Variants in XPO1 observed in about 807,000 individuals in gnomAD.
XPO1 encodes the protein exportin-1.
In XPO1, 5 loss-of-function variants were observed where a neutral mutation model predicts 133.3. That is an observed-to-expected ratio of 0.04 (90% CI 0.02 to 0.08). The LOEUF (loss-of-function observed/expected upper bound fraction) is 0.08, where lower values mean the gene tolerates loss of function less well. Among genes scored for constraint, XPO1 ranks in the 10% least tolerant of loss-of-function variants. XPO1 has a pLI of 1.00. For missense variants in XPO1, 506 were observed against 1,267.5 expected, an observed-to-expected ratio of 0.40 and a Z score of 9.12; for synonymous variants, 419 against 408.2, an observed-to-expected ratio of 1.03 and a Z score of -0.32.
chr2:61,507,949 A>G (rs551114727), intron 4 of XPO1, among the ~76,000 whole-genome samples: 2 of 152,340 alleles, frequency 1.3e-5, no homozygotes, highest in South Asian at 2.1e-4. Flanking sequence ...TGTGTCTTTG[A>G]TAAGTCCTGA....
In XPO1 at chr2:61,488,700, G is replaced by T. The variant is rs1185941427; in HGVS notation, c.2094C>A (p.Ala698=). Reference sequence around the variant, plus strand: ...CAAAGGGGTGTCCAACAGCTTTGCAGGCTCTCACATTTGTTTTCAAAATGC... The same window carrying T: ...CAAAGGGGTGTCCAACAGCTTTGCATGCTCTCACATTTGTTTTCAAAATGC... ...LGSILKTNVR[A]CKAVGHPFVI... Residue 698 remains alanine (A), a synonymous_variant, in exon 18 of 25, where the codon GCC becomes GCA. Transcript: ENST00000401558. 1.2e-6 allele frequency: 2 copies of T among 1,614,038 alleles called. No individual in the cohort carries two copies. Among genetic ancestry groups the T allele is most frequent in the African/African-American group, 1.3e-5 (1 of 74,918 alleles).
intron 4 of XPO1, among the ~76,000 whole-genome samples, chr2:61,520,147 G>GAT (rs1214989667): frequency 1.3e-5 from 2 of 152,116 alleles, no homozygotes; most frequent in African/African-American, 4.8e-5. Context: ...GTTGGACAAA[G>GAT]GGTATAGCTA....
chr2:61,522,879 T>A (rs1026997212), intron 3 of XPO1, among the ~76,000 whole-genome samples, 196 bp from the exon 4 acceptor site: 4 of 152,236 alleles, frequency 2.6e-5, no homozygotes, highest in Admixed American at 2.0e-4. Flanking sequence ...CTCATTTTAT[T>A]GTTTGCTACT....
intron 2 of XPO1, among the ~76,000 whole-genome samples, chr2:61,532,819 G>C (rs2104836475): frequency 6.7e-6 from 1 of 149,264 alleles, no homozygotes. Context: ...TGGTGACAGA[G>C]CAAGACTCCA....
intron 1 of XPO1, among the ~76,000 whole-genome samples, chr2:61,535,730 C>G (rs1216025675): frequency 6.6e-6 from 1 of 152,166 alleles, no homozygotes. Flanking sequence ...ACTGATGAGA[C>G]TTCAAAACGT....
At chr2:61,479,156 TG>T (rs200500619) in intron 24 of XPO1, among the ~76,000 whole-genome samples, 190 bp from the exon 25 acceptor site, 2,355 of 152,128 alleles carry the variant, frequency 0.015, 51 homozygotes, top group African/African-American at 0.052. Flanking sequence ...TGTTAACTGG[TG>T]GGGGGGAAGA....
At chr2:61,497,463 G>A (rs1212296801) in intron 9 of XPO1, among the ~76,000 whole-genome samples, 3 of 152,092 alleles carry the variant, frequency 2.0e-5, no homozygotes, top group Non-Finnish European at 2.9e-5. Context: ...CGCTCACCTC[G>A]ACCTCCCAAA....
intron 6 of XPO1, 129 bp from the exon 7 acceptor site, chr2:61,500,023 T>G: frequency 1.1e-6 from 1 of 933,602 alleles, no homozygotes; most frequent in Non-Finnish European, 1.6e-6. Context: ...TCCTCCTTTA[T>G]TAAAGGAAGA....
chr2:61,509,918 A>T (rs890901789), intron 4 of XPO1, among the ~76,000 whole-genome samples: 11 of 152,212 alleles, frequency 7.2e-5, no homozygotes, highest in African/African-American at 2.7e-4. Flanking sequence ...AAAAAATGTA[A>T]ATTTGGTACA....
chr2:61,518,966 C>T (rs1039805734), intron 4 of XPO1, among the ~76,000 whole-genome samples: 1 of 151,890 alleles, frequency 6.6e-6, no homozygotes, highest in Non-Finnish European at 1.5e-5. Context: ...CTATCTTTTG[C>T]TCTTTTTTTT....
At chr2:61,514,181 C>T (rs1698238279) in intron 4 of XPO1, among the ~76,000 whole-genome samples, 3 of 148,594 alleles carry the variant, frequency 2.0e-5, no homozygotes, top group Admixed American at 1.3e-4. Flanking sequence ...AGCCAGGCTC[C>T]GTCTCAAAAA....
In XPO1 at chr2:61,482,810, A is replaced by G. The variant is rs899977607; in HGVS notation, c.2812+147T>C. 3.2e-6 allele frequency: 3 copies of G among 951,010 alleles called. No individual in the cohort carries two copies. The Admixed American group carries it at 8.8e-5, about 28-fold the overall frequency. 58.9% of individuals were successfully genotyped at this position (951,010 alleles called of 1,614,324 possible). On this transcript the variant is annotated intron_variant, in intron 22 of 24. Coordinates refer to ENST00000401558, the MANE Select transcript of XPO1 (RefSeq NM_003400.4). ...TTTATTTTTTTATGGTATTTTTAGT[A>G]CAGACAGTTTCACCATGGTGGCCAG...
intron 4 of XPO1, among the ~76,000 whole-genome samples, chr2:61,506,346 C>T (rs1406775253): frequency 2.0e-5 from 3 of 152,136 alleles, no homozygotes; most frequent in African/African-American, 7.2e-5. Flanking sequence ...TCATTTGAAC[C>T]CAGGAAATGG....
intron 19 of XPO1, among the ~76,000 whole-genome samples, chr2:61,486,955 C>G (rs1337069136): frequency 6.6e-6 from 1 of 151,808 alleles, no homozygotes; most frequent in Non-Finnish European, 1.5e-5. Context: ...TCTAAGTAAA[C>G]TGAGTTATAC....
At chr2:61,526,384 A>C (rs1286199357) in intron 3 of XPO1, 36 bp downstream of exon 3, 4 of 1,590,942 alleles carry the variant, frequency 2.5e-6, no homozygotes, top group South Asian at 1.2e-5. Context: ...ACTGGAAGAA[A>C]AGAAATAACA....
intron 23 of XPO1, 133 bp downstream of exon 23, chr2:61,482,247 T>C (rs1278426651): frequency 2.6e-6 from 2 of 756,372 alleles, no homozygotes; most frequent in East Asian, 5.5e-5. Flanking sequence ...TCTTGTTTTG[T>C]TGTCTAGGTT....
At chr2:61,501,265 T>A (rs868695126) in intron 6 of XPO1, among the ~76,000 whole-genome samples, 3 of 152,034 alleles carry the variant, frequency 2.0e-5, no homozygotes, top group Non-Finnish European at 4.4e-5. Context: ...CTGGAAAAAA[T>A]TTTATGATAT....
rs185293450 is a variant in XPO1 at position 61,511,713 on chromosome 2, T to A, written c.302-9403A>T. On this transcript the variant is annotated intron_variant, in intron 4 of 24. Coordinates refer to ENST00000401558, the MANE Select transcript of XPO1 (RefSeq NM_003400.4). ...TGTGCCTGGCCTGCCTTGTTTTTTT[T>A]AGAAATGAAAAACATAATTTATAGC... is the stretch of plus-strand genomic sequence containing the variant. Among the ~76,000 whole-genome samples, 22 of 152,268 alleles carry A rather than the reference T, an allele frequency of 1.4e-4. No homozygotes were observed. The East Asian group carries it at 3.9e-3, about 27-fold the overall frequency.
chr2:61,507,222 T>G (rs1697867088), intron 4 of XPO1, among the ~76,000 whole-genome samples: 1 of 114,514 alleles, frequency 8.7e-6, no homozygotes. Context: ...CCAGCTTGGG[T>G]GACAGCGGGA....
Sources: allele counts gnomAD v4.1 joint callset (sites outside exome capture counted in the v4.1 genomes callset), GRCh38; gene constraint gnomAD v4.1.1; transcripts MANE v1.5; gene names NCBI Gene and HGNC (gene_info 2026-07-23, HGNC 2026-07-21).